Variants in TNNI3K observed in about 807,000 individuals in gnomAD.
TNNI3K encodes the protein TNNI3 interacting kinase, also known as serine/threonine-protein kinase TNNI3K.
A neutral mutation model predicts 114.5 loss-of-function variants in TNNI3K; 140 were observed. The observed-to-expected ratio is 1.22, with a 90% CI of 1.07 to 1.41. The LOEUF is 1.41. Among genes scored for constraint, TNNI3K ranks in the 40% most tolerant of loss-of-function variants. TNNI3K has a pLI of 0.00. For missense variants in TNNI3K, 1,125 were observed against 1,007.6 expected (o/e 1.12, Z -1.58); for synonymous variants, 347 against 347.5 (o/e 1.00, Z 0.02).
chr1:74,461,640 A>G (rs1339140736), intron 20 of TNNI3K, among the ~76,000 whole-genome samples: 3 of 152,202 alleles, frequency 2.0e-5, no homozygotes, highest in East Asian at 3.9e-4. Flanking sequence ...GAAATTAGTA[A>G]CATGTTTTAT....
chr1:74,537,912 A>G (rs1646679392), intron 23 of TNNI3K, among the ~76,000 whole-genome samples: 1 of 152,178 alleles, frequency 6.6e-6, no homozygotes, highest in Admixed American at 6.6e-5. Flanking sequence ...TAACTCTTTT[A>G]ATTCTCATGA....
At chr1:74,503,729 C>G (rs1440312642) in intron 23 of TNNI3K, among the ~76,000 whole-genome samples, 1 of 152,180 alleles carries the variant, frequency 6.6e-6, no homozygotes, top group Non-Finnish European at 1.5e-5. Flanking sequence ...GCAAGTGCCA[C>G]GATGCCTATC....
At chr1:74,455,357 C>T (rs1204936880) in intron 20 of TNNI3K, among the ~76,000 whole-genome samples, 1 of 152,134 alleles carries the variant, frequency 6.6e-6, no homozygotes, top group Non-Finnish European at 1.5e-5. Flanking sequence ...CCTGAGAAAT[C>T]CACATATAGT....
chr1:74,441,895 C>T (rs1378741405), intron 20 of TNNI3K, among the ~76,000 whole-genome samples: 1 of 151,996 alleles, frequency 6.6e-6, no homozygotes, highest in Non-Finnish European at 1.5e-5. Context: ...CAAGGATTTT[C>T]CTGTAATCTG....
intron 17 of TNNI3K, among the ~76,000 whole-genome samples, chr1:74,393,112 G>C (rs999747015): frequency 6.6e-6 from 1 of 152,198 alleles, no homozygotes. Flanking sequence ...GAAGGTATAG[G>C]TGAAAGGCAG....
intron 17 of TNNI3K, among the ~76,000 whole-genome samples, chr1:74,413,864 C>A (rs1320823407): frequency 6.6e-6 from 1 of 152,102 alleles, no homozygotes; most frequent in Non-Finnish European, 1.5e-5. Context: ...GCAATCAGTT[C>A]TTTTAATGGT....
intron 17 of TNNI3K, among the ~76,000 whole-genome samples, chr1:74,388,680 T>C (rs1156321850): frequency 6.6e-6 from 1 of 152,208 alleles, no homozygotes; most frequent in Non-Finnish European, 1.5e-5. Context: ...TTCTGACTTA[T>C]CTGAAAAATA....
intron 5 of TNNI3K, among the ~76,000 whole-genome samples, chr1:74,300,192 TA>T (rs1658236522): frequency 6.6e-6 from 1 of 152,102 alleles, no homozygotes; most frequent in South Asian, 2.1e-4. Flanking sequence ...AATGAGAAAA[TA>T]CTTCTGAAAA....
chr1:74,454,699 GA>G (rs1667159632), intron 20 of TNNI3K, among the ~76,000 whole-genome samples: 1 of 152,110 alleles, frequency 6.6e-6, no homozygotes, highest in Non-Finnish European at 1.5e-5. Context: ...CTATCTCTTA[GA>G]TATACTGATT....
At chr1:74,495,598 A>G (rs1291369170) in intron 23 of TNNI3K, among the ~76,000 whole-genome samples, 1 of 152,186 alleles carries the variant, frequency 6.6e-6, no homozygotes, top group Admixed American at 6.5e-5. Context: ...TTAAATAGTC[A>G]TCTAATTCAG....
chr1:74,471,294 ACT>A, intron 21 of TNNI3K: 4 of 400,406 alleles, frequency 1.0e-5, no homozygotes, highest in Non-Finnish European at 1.8e-5. Context: ...CATAGTTGCT[ACT>A]CTCTGACTGT....
chr1:74,403,158 A>G (rs529995859), intron 17 of TNNI3K, among the ~76,000 whole-genome samples: 1 of 152,300 alleles, frequency 6.6e-6, no homozygotes, highest in South Asian at 2.1e-4. Flanking sequence ...CCAAAGAGAA[A>G]AAGTGACCCA....
At chr1:74,317,005 T>C (rs942672871) in intron 5 of TNNI3K, among the ~76,000 whole-genome samples, 1 of 152,184 alleles carries the variant, frequency 6.6e-6, no homozygotes, top group Non-Finnish European at 1.5e-5. Context: ...AGCCTCCTTC[T>C]TTTATTTTTC....
At chr1:74,393,657 G>T (rs1256694969) in intron 17 of TNNI3K, among the ~76,000 whole-genome samples, 5 of 152,088 alleles carry the variant, frequency 3.3e-5, no homozygotes, top group African/African-American at 1.2e-4. Context: ...TACAGCAGCA[G>T]TACCCAAACT....
intron 20 of TNNI3K, among the ~76,000 whole-genome samples, chr1:74,444,966 G>T (rs189057626): frequency 6.6e-6 from 1 of 152,168 alleles, no homozygotes; most frequent in Admixed American, 6.5e-5. Context: ...TGTGCTGGGA[G>T]AACTGGCTAG....
intron 20 of TNNI3K, among the ~76,000 whole-genome samples, chr1:74,461,483 A>G (rs562309510): frequency 1.9e-3 from 241 of 128,898 alleles, no homozygotes; most frequent in African/African-American, 7.8e-3. Context: ...CTGTCTCGAG[A>G]AAAAAAAAAA....
At chr1:74,314,074 TATATATGTATATA>T (rs1659157043) in intron 5 of TNNI3K, among the ~76,000 whole-genome samples, 1 of 1,236 alleles carries the variant, frequency 8.1e-4, no homozygotes, top group African/African-American at 1.3e-3. Context: ...TATATATATA[TATATATGTATATA>T]TATGTATATA....
intron 5 of TNNI3K, among the ~76,000 whole-genome samples, chr1:74,324,285 A>G (rs1212041835): frequency 6.6e-6 from 1 of 152,220 alleles, no homozygotes; most frequent in African/African-American, 2.4e-5. Context: ...ACTCTTTAGG[A>G]GAGCCCTGAC....
intron 17 of TNNI3K, among the ~76,000 whole-genome samples, chr1:74,401,442 A>G (rs1215184929): frequency 6.6e-6 from 1 of 152,256 alleles, no homozygotes. Context: ...GTGAGAAGGC[A>G]TGTACCTGTC....
Sources: gnomAD v4.1 joint callset for allele counts (sites outside exome capture counted in the v4.1 genomes callset) on GRCh38, gnomAD v4.1.1 for gene constraint, MANE v1.5 for transcripts, NCBI Gene and HGNC (gene_info 2026-07-23, HGNC 2026-07-21) for gene names.